The following FGF13 variants were observed in gnomAD, a reference collection of about 807,000 sequenced individuals.
FGF13 encodes fibroblast growth factor homologous factor 2.
In FGF13, 2 loss-of-function variants were observed where a neutral mutation model predicts 19.5. The ratio of observed to expected loss-of-function variants is 0.10; its 90% CI spans 0.04 to 0.32. The LOEUF (loss-of-function observed/expected upper bound fraction) is 0.32. Ranked by LOEUF, FGF13 falls within the 10% of genes least tolerant of loss-of-function variation. FGF13 has a pLI of 1.00. For synonymous variants in FGF13, 72 were observed against 76.9 expected, an observed-to-expected ratio of 0.94 and a Z score of 0.33; for missense variants, 113 against 192.7, an observed-to-expected ratio of 0.59 and a Z score of 2.45.
intron 1 of FGF13, among the ~76,000 whole-genome samples, chrX:138,987,419 G>A (rs2091998655): frequency 8.9e-6 from 1 of 111,858 alleles, no homozygotes; most frequent in Admixed American, 9.5e-5. Flanking sequence ...AATGGAAGGT[G>A]CAAATCCTGC....
intron 1 of FGF13, among the ~76,000 whole-genome samples, chrX:138,874,154 A>AT (rs1211366099): frequency 9.1e-5 from 9 of 99,416 alleles, no homozygotes; most frequent in Non-Finnish European, 1.8e-4. Context: ...AAAGTATAAT[A>AT]AATATATATA....
chrX:138,757,081 G>A (rs2090436121), intron 3 of FGF13, among the ~76,000 whole-genome samples: 1 of 110,879 alleles, frequency 9.0e-6, no homozygotes, highest in African/African-American at 3.3e-5. Flanking sequence ...GCAGGGGATG[G>A]GTGCGATGAG....
chrX:139,012,502 C>T (rs967686780), intron 1 of FGF13, among the ~76,000 whole-genome samples: 4 of 111,489 alleles, frequency 3.6e-5, no homozygotes, highest in Admixed American at 9.5e-5. Context: ...AAATAGGCAT[C>T]TAGACCAATT....
intron 1 of FGF13, among the ~76,000 whole-genome samples, chrX:139,085,124 T>A (rs991341472): frequency 1.8e-5 from 2 of 112,007 alleles, no homozygotes; most frequent in African/African-American, 6.5e-5. Context: ...GAACACCATG[T>A]TGCTTCCTTA....
chrX:139,034,554 A>C (rs1296526784), intron 1 of FGF13, among the ~76,000 whole-genome samples: 1 of 111,043 alleles, frequency 9.0e-6, no homozygotes, highest in Non-Finnish European at 1.9e-5. Flanking sequence ...ATAGGGGCCC[A>C]GTTTTAGAGA....
At chrX:138,949,728 A>G in intron 1 of FGF13, among the ~76,000 whole-genome samples, 1 of 111,916 alleles carries the variant, frequency 8.9e-6, no homozygotes, top group East Asian at 2.8e-4. Flanking sequence ...ATGAATAAAG[A>G]GGCAGAAACA....
chrX:138,972,933 C>G (rs776794907), intron 1 of FGF13, among the ~76,000 whole-genome samples: 27 of 109,687 alleles, frequency 2.5e-4, no homozygotes, highest in African/African-American at 8.6e-4. Flanking sequence ...AGGTAGAAGC[C>G]TTGTCAGTTT....
chrX:138,894,126 C>CT (rs202153155), intron 1 of FGF13, among the ~76,000 whole-genome samples: 1,863 of 110,112 alleles, frequency 0.017, 44 homozygotes, highest in African/African-American at 0.057. Flanking sequence ...ATTAATCCAA[C>CT]TTTTTTACCA....
chrX:139,022,074 T>A (rs1175827472), intron 1 of FGF13, among the ~76,000 whole-genome samples: 1 of 110,581 alleles, frequency 9.0e-6, no homozygotes, highest in Non-Finnish European at 1.9e-5. Context: ...GGTTGAGGAG[T>A]AAGTGAGATG....
intron 1 of FGF13, among the ~76,000 whole-genome samples, chrX:138,870,039 C>T (rs766337739): frequency 8.9e-6 from 1 of 112,228 alleles, no homozygotes; most frequent in Admixed American, 9.4e-5. Context: ...AGCCTCAAGT[C>T]ATCAAATGTC....
At chrX:138,816,887 G>A (rs1457156090) in intron 3 of FGF13, among the ~76,000 whole-genome samples, 1 of 112,135 alleles carries the variant, frequency 8.9e-6, no homozygotes, top group Non-Finnish European at 1.9e-5. Flanking sequence ...GCTCTAAGGA[G>A]ACCTTCATCT....
intron 3 of FGF13, among the ~76,000 whole-genome samples, chrX:138,747,516 A>G (rs1452761879): frequency 8.9e-6 from 1 of 111,986 alleles, no homozygotes; most frequent in East Asian, 2.8e-4. Context: ...AATCTATTTT[A>G]TGTGAGAAAC....
At chrX:138,718,175 AT>A (rs1235981731) in intron 1 of FGF13, among the ~76,000 whole-genome samples, 1 of 112,360 alleles carries the variant, frequency 8.9e-6, no homozygotes, top group Admixed American at 9.4e-5. Flanking sequence ...AACAATTTCT[AT>A]TTTATGAACT....
chrX:139,133,596 C>G (rs1452445060), intron 1 of FGF13, among the ~76,000 whole-genome samples: 11 of 111,001 alleles, frequency 9.9e-5, no homozygotes, highest in Non-Finnish European at 2.1e-4. Flanking sequence ...TGCTCTCTCT[C>G]TCTCCTCATC....
chrX:139,061,075 CA>C (rs1240438368), intron 1 of FGF13, among the ~76,000 whole-genome samples: 1 of 111,673 alleles, frequency 9.0e-6, no homozygotes, highest in Admixed American at 9.5e-5. Flanking sequence ...AACTTTGTAT[CA>C]CATTAATCTG....
intron 3 of FGF13, among the ~76,000 whole-genome samples, chrX:138,639,541 T>G (rs1308187551): frequency 8.9e-6 from 1 of 112,523 alleles, no homozygotes; most frequent in Non-Finnish European, 1.9e-5. Context: ...TGATTTCTCT[T>G]AAAAGAAATG....
At chrX:138,785,599 CT>C (rs60939414) in intron 3 of FGF13, among the ~76,000 whole-genome samples, 28,061 of 110,812 alleles carry the variant, frequency 0.25, 3,260 homozygotes, top group Admixed American at 0.34. Flanking sequence ...ACTAGCCAAT[CT>C]TTTAAAAAAA....
chrX:138,789,361 T>C (rs1479855719), intron 3 of FGF13, among the ~76,000 whole-genome samples: 1 of 105,707 alleles, frequency 9.5e-6, no homozygotes, highest in Non-Finnish European at 1.9e-5. Flanking sequence ...TTTTTTTTTT[T>C]AGTAGAGATG....
chrX:138,984,523 G>A (rs496308), intron 1 of FGF13, among the ~76,000 whole-genome samples: 16,233 of 31,552 alleles, frequency 0.51, 5,245 homozygotes, highest in Non-Finnish European at 0.57. Context: ...AAGAAGAAGA[G>A]GAAGAAGAAG....
Sources: allele counts gnomAD v4.1 joint callset (sites outside exome capture counted in the v4.1 genomes callset), GRCh38; gene constraint gnomAD v4.1.1; transcripts MANE v1.5; gene names NCBI Gene and HGNC (gene_info 2026-07-23, HGNC 2026-07-21).